The following STX5 variants were observed in gnomAD, a reference collection of about 807,000 sequenced individuals.
STX5 encodes the protein syntaxin 5.
Under a neutral mutation model 42.9 loss-of-function variants are expected in STX5, and 15 were observed. The ratio of observed to expected loss-of-function variants is 0.35; its 90% CI spans 0.23 to 0.54. The LOEUF (loss-of-function observed/expected upper bound fraction) is 0.54, where lower values mean the gene tolerates loss of function less well. Among genes scored for constraint, STX5 ranks in the 20% least tolerant of loss-of-function variants. The pLI, the probability that STX5 is intolerant of heterozygous loss-of-function variation, is 0.91. For synonymous variants in STX5, 184 were observed against 173.2 expected (o/e 1.06, Z -0.49); for missense variants, 430 against 455.0 (o/e 0.95, Z 0.50).
chr11:62,828,501 C>T (rs956888788), intron 2 of STX5, among the ~76,000 whole-genome samples: 2 of 151,790 alleles, frequency 1.3e-5, no homozygotes, highest in Admixed American at 1.3e-4. Context: ...CTGAGGCAGG[C>T]GGATCACGAG....
intron 10 of STX5, among the ~76,000 whole-genome samples, chr11:62,814,813 C>A (rs2134819712): frequency 6.6e-6 from 1 of 151,990 alleles, no homozygotes; most frequent in East Asian, 1.9e-4. Flanking sequence ...AGGCTGGTCT[C>A]CAGCTCCCGA....
intron 10 of STX5, 30 bp downstream of exon 10, chr11:62,824,136 C>G: frequency 1.2e-6 from 2 of 1,614,050 alleles, no homozygotes; most frequent in Non-Finnish European, 1.7e-6. Flanking sequence ...GAGAAAGCTC[C>G]TCTGTTTGGG....
intron 10 of STX5, among the ~76,000 whole-genome samples, chr11:62,823,655 C>T (rs1344612909): frequency 6.6e-6 from 1 of 152,220 alleles, no homozygotes; most frequent in Non-Finnish European, 1.5e-5. Context: ...AAGCCATCCT[C>T]CCACCTCAGC....
chr11:62,829,563 A>C (rs2084833270), intron 2 of STX5, among the ~76,000 whole-genome samples: 1 of 152,154 alleles, frequency 6.6e-6, no homozygotes, highest in African/African-American at 2.4e-5. Flanking sequence ...CAGAAGTTCG[A>C]GACCAGCCTG....
At position 62,827,229 on chromosome 11, in the gene STX5, C is replaced by A. The variant is rs369948467; in HGVS notation, c.353-4G>T. ...AAGAGGGACTTGCGCTTTGCCACTA[C>A]AGAGACAAACAAGAAGCCACAATGG... On this transcript the variant is annotated splice_polypyrimidine_tract_variant and splice_region_variant and intron_variant, in intron 4 of 10. Coordinates refer to ENST00000294179, the MANE Select transcript of STX5 (RefSeq NM_003164.5). 307 of 1,614,154 alleles carry A rather than the reference C, an allele frequency of 1.9e-4. 5 individuals are homozygous for A. In the South Asian group the frequency reaches 2.4e-3, roughly 13 times the overall value.
chr11:62,807,416 GCCT>G lies in STX5; in HGVS notation c.*50_*52del. 1 of 1,591,446 alleles carries G rather than the reference GCCT, an allele frequency of 6.3e-7. No individual in the cohort carries two copies. Among genetic ancestry groups the G allele is most frequent in the Non-Finnish European group, 8.6e-7 (1 of 1,166,562 alleles). The stretch of plus-strand genomic sequence containing the variant: ...GGCTCAGTGGCAGCACTGGCCACTT[GCCT>G]TCCCAGGAGGGTCCCAAACCCCAAC... On this transcript the variant is annotated 3_prime_UTR_variant, in exon 11 of 11. Transcript: ENST00000294179.
At chr11:62,828,088 T>G (rs2084815462) in intron 2 of STX5, among the ~76,000 whole-genome samples, 1 of 151,102 alleles carries the variant, frequency 6.6e-6, no homozygotes, top group Non-Finnish European at 1.5e-5. Context: ...GAAGAGCAGC[T>G]TTACCATGAG....
chr11:62,818,902 A>G (rs1035963411), intron 10 of STX5, among the ~76,000 whole-genome samples: 1 of 151,778 alleles, frequency 6.6e-6, no homozygotes, highest in East Asian at 1.9e-4. Flanking sequence ...CCAGAATTCT[A>G]TATCCAGAGA....
At chr11:62,829,291 G>A (rs1456299779) in intron 2 of STX5, among the ~76,000 whole-genome samples, 1 of 151,858 alleles carries the variant, frequency 6.6e-6, no homozygotes, top group Non-Finnish European at 1.5e-5. Context: ...AGGCATGGTG[G>A]CGCATGTCTG....
At chr11:62,810,253 G>A (rs1426561309) in intron 10 of STX5, among the ~76,000 whole-genome samples, 1 of 151,994 alleles carries the variant, frequency 6.6e-6, no homozygotes, top group Non-Finnish European at 1.5e-5. Flanking sequence ...AACAGCCTGG[G>A]GAATATAGGA....
chr11:62,815,528 G>A (rs1000551267), intron 10 of STX5, among the ~76,000 whole-genome samples: 3 of 150,906 alleles, frequency 2.0e-5, no homozygotes, highest in South Asian at 2.1e-4. Context: ...ATAGGATAAC[G>A]GCGTGGTTTT....
intron 10 of STX5, among the ~76,000 whole-genome samples, chr11:62,809,718 G>A (rs1429108683): frequency 7.3e-6 from 1 of 136,986 alleles, no homozygotes; most frequent in South Asian, 2.4e-4. Flanking sequence ...CATTATGGCT[G>A]TTCAGGAGAA....
chr11:62,818,315 G>A (rs988107436), intron 10 of STX5, among the ~76,000 whole-genome samples: 25 of 150,698 alleles, frequency 1.7e-4, no homozygotes, highest in African/African-American at 6.1e-4. Flanking sequence ...CCAGCATTTT[G>A]GGAGGCGGAA....
Position 62,815,008 on chromosome 11 carries a change from G to A in STX5, c.909-7380C>T, listed in dbSNP as rs145778806. Among the ~76,000 whole-genome samples the A allele has an allele frequency of 2.9e-3, 440 of 151,992 alleles. 3 individuals are homozygous for A. The highest frequency in any genetic ancestry group is 9.9e-3 in the African/African-American group (409 of 41,490). Reference sequence around the variant, plus strand: ...GTTAATTCTAACAGATAGGATAACTGGGTGTCTTTTTTTTTTTTGAGATGG... The same window carrying A: ...GTTAATTCTAACAGATAGGATAACTAGGTGTCTTTTTTTTTTTTGAGATGG... On this transcript the variant is annotated intron_variant, in intron 10 of 10. Transcript: ENST00000294179.
chr11:62,825,667 C>G, intron 5 of STX5, 128 bp from the exon 6 acceptor site: 2 of 828,838 alleles, frequency 2.4e-6, no homozygotes, highest in Non-Finnish European at 4.0e-6. Context: ...GTATCTCAGA[C>G]AGTCAGACCA....
chr11:62,818,565 GAA>G (rs1307603732), intron 10 of STX5, among the ~76,000 whole-genome samples: 6 of 92,742 alleles, frequency 6.5e-5, no homozygotes, highest in Admixed American at 2.4e-4. Flanking sequence ...CTCTGTCTCA[GAA>G]AAAAAAAAAA....
In STX5 at chr11:62,831,666, G is replaced by T. The variant is rs565499475; in HGVS notation, c.-20+288C>A. Among the ~76,000 whole-genome samples, 6 of 152,266 alleles carry T rather than the reference G, an allele frequency of 3.9e-5. No homozygotes were observed. The South Asian group carries it at 1.0e-3, about 26-fold the overall frequency. ...GGACCTCCAAAGACTGACACACTTC[G>T]GTGGGCGGAGGGGGAAAACCTCTGG... is the stretch of plus-strand genomic sequence containing the variant. On this transcript the variant is annotated intron_variant, in intron 1 of 10. Transcript: ENST00000294179.
intron 10 of STX5, among the ~76,000 whole-genome samples, chr11:62,808,528 C>G (rs907681837): frequency 6.6e-6 from 1 of 151,888 alleles, no homozygotes; most frequent in Admixed American, 6.6e-5. Context: ...GCAGGAGGAT[C>G]ACTTGAGCCT....
chr11:62,824,276 G>C lies in STX5; in HGVS notation c.798C>G (p.Ile266Met), dbSNP rs1843528366. Residue 266 changes from isoleucine to methionine, a missense_variant, in exon 10 of 11, where the codon ATC (isoleucine) becomes ATG (methionine). Ile to Met is a conservative substitution (Grantham distance 10). Coordinates refer to ENST00000294179, the MANE Select transcript of STX5 (RefSeq NM_003164.5). The part of the protein sequence containing the change: ...LQLIDEQDSY[I>M]QSRADTMQNI... The stretch of plus-strand genomic sequence containing the variant: ...TCTGCATGGTGTCTGCCCGACTCTG[G>C]ATGTAGGAATCCTTCAGGAGAGGGA... 6.2e-7 allele frequency: 1 copy of C among 1,614,072 alleles called. No individual in the cohort carries two copies.
Sources: allele counts gnomAD v4.1 joint callset (sites outside exome capture counted in the v4.1 genomes callset), GRCh38; gene constraint gnomAD v4.1.1; transcripts MANE v1.5; gene names NCBI Gene and HGNC (gene_info 2026-07-23, HGNC 2026-07-21).